GRID2: variants seen among roughly 807,000 people sequenced by gnomAD.
The protein encoded by GRID2 is glutamate receptor ionotropic, delta-2.
GRID2 carries 33 observed loss-of-function variants against 114.8 expected under a neutral mutation model. The ratio of observed to expected loss-of-function variants is 0.29; its 90% confidence interval spans 0.22 to 0.38. The LOEUF (loss-of-function observed/expected upper bound fraction) is 0.38. Ranked by LOEUF, GRID2 falls within the 10% of genes least tolerant of loss-of-function variation. The pLI, the probability that GRID2 is intolerant of heterozygous loss-of-function variation, is 1.00. For missense variants in GRID2, 1,184 were observed against 1,257.7 expected (o/e 0.94, Z 0.89); for synonymous variants, 505 against 449.9 (o/e 1.12, Z -1.55).
At chr4:92,790,984 A>C (rs574051347) in intron 2 of GRID2, among the ~76,000 whole-genome samples, 1 of 151,776 alleles carries the variant, frequency 6.6e-6, no homozygotes, top group Non-Finnish European at 1.5e-5. Flanking sequence ...GCTTTTGTTT[A>C]TTTGTACAAC....
intron 1 of GRID2, among the ~76,000 whole-genome samples, chr4:92,351,339 A>G (rs1173964120): frequency 1.3e-5 from 2 of 151,834 alleles, no homozygotes; most frequent in African/African-American, 4.8e-5. Context: ...AAAAAACTTG[A>G]TATTACAGTC....
intron 2 of GRID2, among the ~76,000 whole-genome samples, chr4:92,900,533 A>G (rs1747488599): frequency 6.6e-6 from 1 of 152,210 alleles, no homozygotes; most frequent in Non-Finnish European, 1.5e-5. Flanking sequence ...TATTTCACTT[A>G]AGATAATGGC....
intron 1 of GRID2, among the ~76,000 whole-genome samples, chr4:92,562,946 A>G (rs17019587): frequency 0.22 from 33,221 of 152,128 alleles, 3,972 homozygotes; most frequent in South Asian, 0.3. Context: ...ACAGTCTTAT[A>G]TTTATCAATA....
intron 8 of GRID2, among the ~76,000 whole-genome samples, chr4:93,267,802 ACT>A (rs1751019317): frequency 6.6e-6 from 1 of 151,940 alleles, no homozygotes; most frequent in African/African-American, 2.4e-5. Flanking sequence ...AGCCCAAGAC[ACT>A]CTGAAGCAGT....
intron 2 of GRID2, among the ~76,000 whole-genome samples, chr4:92,714,755 A>T (rs994271229): frequency 2.0e-5 from 3 of 152,140 alleles, no homozygotes; most frequent in Admixed American, 6.5e-5. Flanking sequence ...GTCCCTTTTA[A>T]TCACAGCTGG....
intron 1 of GRID2, among the ~76,000 whole-genome samples, chr4:92,455,393 A>G (rs1364697099): frequency 6.6e-6 from 1 of 152,092 alleles, no homozygotes; most frequent in Non-Finnish European, 1.5e-5. Flanking sequence ...CAAACGACCC[A>G]CCAGAGTATC....
At chr4:92,675,508 T>A (rs998375965) in intron 2 of GRID2, among the ~76,000 whole-genome samples, 1 of 150,212 alleles carries the variant, frequency 6.7e-6, no homozygotes, top group Non-Finnish European at 1.5e-5. Context: ...TCTTCACTAT[T>A]CTCTTTGCCC....
At chr4:93,077,544 A>G (rs912003128) in intron 2 of GRID2, among the ~76,000 whole-genome samples, 2 of 152,208 alleles carry the variant, frequency 1.3e-5, no homozygotes, top group African/African-American at 2.4e-5. Context: ...CTATAAAATG[A>G]TTAAAAAGTT....
chr4:92,761,432 T>C (rs953149651), intron 2 of GRID2, among the ~76,000 whole-genome samples: 3 of 152,136 alleles, frequency 2.0e-5, no homozygotes, highest in African/African-American at 7.2e-5. Flanking sequence ...ATATAAGAAA[T>C]AGTAATTGAG....
At chr4:92,917,929 A>C (rs568515641) in intron 2 of GRID2, among the ~76,000 whole-genome samples, 1 of 152,244 alleles carries the variant, frequency 6.6e-6, no homozygotes, top group Admixed American at 6.5e-5. Flanking sequence ...TGAAACTATA[A>C]ATTACCTTGG....
At chr4:92,634,412 C>T (rs955447822) in intron 2 of GRID2, among the ~76,000 whole-genome samples, 6 of 152,128 alleles carry the variant, frequency 3.9e-5, no homozygotes, top group African/African-American at 1.4e-4. Flanking sequence ...ACTGCATTTG[C>T]TTAACACTCA....
chr4:92,981,136 G>T (rs1754183190), intron 2 of GRID2, among the ~76,000 whole-genome samples: 1 of 151,820 alleles, frequency 6.6e-6, no homozygotes, highest in Non-Finnish European at 1.5e-5. Context: ...CTGTATCTTT[G>T]GTGTCATTTT....
chr4:93,207,568 A>G (rs1742955690), intron 5 of GRID2, 111 bp downstream of exon 5: 1 of 687,746 alleles, frequency 1.5e-6, no homozygotes, highest in Admixed American at 2.5e-5. Context: ...TGAAGTAAAC[A>G]TTCAACTTAC....
At chr4:92,447,690 C>A (rs1333536800) in intron 1 of GRID2, among the ~76,000 whole-genome samples, 4 of 152,156 alleles carry the variant, frequency 2.6e-5, no homozygotes, top group Non-Finnish European at 4.4e-5. Context: ...CTTGCAGATT[C>A]CAAATCTGGT....
chr4:93,373,894 A>C (rs2149296601), intron 8 of GRID2, among the ~76,000 whole-genome samples: 1 of 152,276 alleles, frequency 6.6e-6, no homozygotes, highest in Non-Finnish European at 1.5e-5. Context: ...TAATAAAAGT[A>C]TTTGCAAGGA....
At chr4:93,805,816 G>T (rs1735017605) in intron 1 of GRID2, among the ~76,000 whole-genome samples, 1 of 152,202 alleles carries the variant, frequency 6.6e-6, no homozygotes, top group African/African-American at 2.4e-5. Flanking sequence ...CATATATTCG[G>T]CCGAGTGTGG....
In GRID2 at chr4:93,477,089, G is replaced by A. The variant is rs368503542; in HGVS notation, c.1859-13550G>A. ...ATATCAAGGTGCTGATATCTTGTGA[G>A]GGCCTTCATGCTGCATCATCCCATG... On this transcript the variant is annotated intron_variant, in intron 11 of 15. Transcript: ENST00000282020. 3.3e-5 allele frequency among the ~76,000 whole-genome samples: 5 copies of A among 152,054 alleles called. No homozygotes were observed. The East Asian group carries it at 7.8e-4, about 24-fold the overall frequency.
intron 2 of GRID2, among the ~76,000 whole-genome samples, chr4:92,838,167 G>A (rs1014757879): frequency 2.6e-5 from 4 of 152,000 alleles, no homozygotes; most frequent in Non-Finnish European, 5.9e-5. Flanking sequence ...TAATCCCTGT[G>A]GAGATATTAA....
intron 1 of GRID2, among the ~76,000 whole-genome samples, chr4:92,324,677 A>G (rs1726499592): frequency 6.6e-6 from 1 of 151,926 alleles, no homozygotes; most frequent in South Asian, 2.1e-4. Flanking sequence ...GTAATACTAA[A>G]TTAACAAAAA....
Sources: allele counts gnomAD v4.1 joint callset (sites outside exome capture counted in the v4.1 genomes callset), GRCh38; gene constraint gnomAD v4.1.1; transcripts MANE v1.5; gene names NCBI Gene and HGNC (gene_info 2026-07-23, HGNC 2026-07-21).